SGTA: variants seen among roughly 807,000 people sequenced by gnomAD.
The protein encoded by SGTA is small glutamine rich tetratricopeptide repeat co-chaperone alpha.
SGTA carries 22 observed loss-of-function variants against 44.3 expected under a neutral mutation model. That is an observed-to-expected ratio of 0.50 (90% CI 0.36 to 0.71). The LOEUF (loss-of-function observed/expected upper bound fraction) is 0.71. Among genes scored for constraint, SGTA ranks in the 30% least tolerant of loss-of-function variants. The pLI, the probability that SGTA is intolerant of heterozygous loss-of-function variation, is 0.00. For missense variants in SGTA, 341 were observed against 435.9 expected (o/e 0.78, Z 1.94); for synonymous variants, 174 against 177.6 (o/e 0.98, Z 0.16).
At chr19:2,756,547 A>G (rs1361004497) in intron 11 of SGTA, among the ~76,000 whole-genome samples, 1 of 152,200 alleles carries the variant, frequency 6.6e-6, no homozygotes, top group Non-Finnish European at 1.5e-5. Flanking sequence ...TAAAAATGAA[A>G]GAGAGTGTAT....
intron 11 of SGTA, among the ~76,000 whole-genome samples, chr19:2,757,051 T>C (rs7255969): frequency 0.29 from 44,832 of 152,010 alleles, 7,293 homozygotes; most frequent in East Asian, 0.65. Context: ...CAGGGAGCTG[T>C]GGCTCTCCCC....
intron 1 of SGTA, chr19:2,777,636 AC>A (rs1453860843): frequency 6.6e-6 from 1 of 152,162 alleles, no homozygotes; most frequent in East Asian, 1.9e-4. Context: ...AATGGTGCCG[AC>A]ATCTCTTCAG....
At chr19:2,774,196 G>A (rs1268353981) in intron 1 of SGTA, among the ~76,000 whole-genome samples, 5 of 152,234 alleles carry the variant, frequency 3.3e-5, no homozygotes, top group South Asian at 2.1e-4. Context: ...AGGCATCTCA[G>A]GACGCACCTC....
At chr19:2,774,399 A>G (rs1429708158) in intron 1 of SGTA, among the ~76,000 whole-genome samples, 1 of 152,174 alleles carries the variant, frequency 6.6e-6, no homozygotes, top group African/African-American at 2.4e-5. Context: ...CGCGTTGCTC[A>G]CTGTGCTGCG....
In SGTA at chr19:2,769,088, A is replaced by T; in HGVS notation, c.-20T>A. The T allele has an allele frequency of 6.2e-7, 1 of 1,604,970 alleles. No individual in the cohort carries two copies. The highest frequency in any genetic ancestry group is 8.5e-7 in the Non-Finnish European group (1 of 1,172,112). On this transcript the variant is annotated 5_prime_UTR_variant, in exon 2 of 12. Coordinates refer to ENST00000221566, the MANE Select transcript of SGTA (RefSeq NM_003021.4). ...GTCCATCTTGAGCCCAGAAGAGGTG[A>T]TACCTGGGGGTGCAGGAAAAACCCC...
At chr19:2,759,417 G>T in intron 8 of SGTA, 123 bp from the exon 9 acceptor site, 2 of 877,214 alleles carry the variant, frequency 2.3e-6, no homozygotes, top group Non-Finnish European at 3.8e-6. Flanking sequence ...AACAGTAAGA[G>T]CCGGGCATTC....
rs781575093 is a variant in SGTA, at chr19:2,763,605, G to C, written c.497+48C>G. The C allele has an allele frequency of 6.2e-6, 8 of 1,299,218 alleles. No homozygotes were observed. The highest frequency in any genetic ancestry group is 8.7e-6 in the Non-Finnish European group (8 of 914,768). The allele number at this position is 1,299,218 out of a possible 1,614,324, so 80.5% of individuals were successfully genotyped here. Reference sequence around the variant, plus strand: ...AAGAGAGGAAGCAGGAGCAGGAGAGGAGGGGTCCCGAGAGACTGGAAAGGC... The same window carrying C: ...AAGAGAGGAAGCAGGAGCAGGAGAGCAGGGGTCCCGAGAGACTGGAAAGGC... On this transcript the variant is annotated intron_variant, in intron 6 of 11. Coordinates refer to ENST00000221566, the MANE Select transcript of SGTA (RefSeq NM_003021.4). This position sits in a 1 kb window ranked among gnomAD's most constrained non-coding sequence, Gnocchi z 5.8.
chr19:2,776,707 G>A (rs1476174201), intron 1 of SGTA, among the ~76,000 whole-genome samples: 5 of 152,194 alleles, frequency 3.3e-5, no homozygotes, highest in Admixed American at 6.5e-5. Context: ...GGTGGCTCAC[G>A]CCTGTAATCC....
Position 2,759,308 on chromosome 19 carries a change from C to CA in SGTA, c.700-15dup, listed in dbSNP as rs1914918456. The CA allele has an allele frequency of 1.2e-6, 2 of 1,613,150 alleles. No homozygotes were observed. The highest frequency in any genetic ancestry group is 1.7e-6 in the Non-Finnish European group (2 of 1,179,224). On this transcript the variant is annotated splice_polypyrimidine_tract_variant and intron_variant, in intron 8 of 11. Transcript: ENST00000221566. The stretch of plus-strand genomic sequence containing the variant: ...TAGGTTCGAAGCCTGAAGAACAGAA[C>CA]AAATTTGTCAGGAAGACAAAGCTCC...
Position 2,767,417 on chromosome 19 carries a change from G to C in SGTA, c.207+163C>G, listed in dbSNP as rs973475762. On this transcript the variant is annotated intron_variant, in intron 3 of 11. Transcript: ENST00000221566. This position sits in a 1 kb window ranked among gnomAD's most constrained non-coding sequence, Gnocchi z 7.3. ...TATGTGTCTCAGGACCCGCCGATAG[G>C]GGGAGGAGGGCCAAGTGCTCCTGCA... Among the ~76,000 whole-genome samples the C allele has an allele frequency of 6.6e-6, 1 of 152,198 alleles. No homozygotes were observed. The highest frequency in any genetic ancestry group is 2.4e-5 in the African/African-American group (1 of 41,462).
chr19:2,778,138 T>C (rs556258832), intron 1 of SGTA: 1 of 151,434 alleles, frequency 6.6e-6, no homozygotes, highest in South Asian at 2.1e-4. Context: ...ACACGCAAGA[T>C]CCTACCAGTG....
chr19:2,778,680 G>C (rs1181776495), intron 1 of SGTA, among the ~76,000 whole-genome samples: 1 of 152,134 alleles, frequency 6.6e-6, no homozygotes, highest in East Asian at 1.9e-4. Flanking sequence ...CTCTACTAAG[G>C]TCCCAGGAGG....
At position 2,762,596 on chromosome 19, in the gene SGTA, G is replaced by A. The variant is rs543856040; in HGVS notation, c.546C>T (p.Tyr182=). 9.3e-6 allele frequency: 15 copies of A among 1,614,086 alleles called. No individual in the cohort carries two copies. The African/African-American group carries it at 1.5e-4, about 16-fold the overall frequency. The change falls in exon 7 of 12, where the codon TAC becomes TAT. Residue 182 remains tyrosine, a synonymous_variant. Transcript: ENST00000221566. The part of the protein sequence containing the change: ...LNKHVEAVAY[Y]KKALELDPDN... ...CGGGGTCCAGCTCCAGAGCCTTCTT[G>A]TAGTAAGCCACGGCCTCCACGTGCT... is the stretch of plus-strand genomic sequence containing the variant.
intron 1 of SGTA, chr19:2,782,691 TC>T (rs1436340732): frequency 6.6e-6 from 1 of 152,146 alleles, no homozygotes; most frequent in East Asian, 1.9e-4. Flanking sequence ...GCCTGCTAAT[TC>T]TTTGGAGTTC....
At chr19:2,778,497 G>GT in intron 1 of SGTA, among the ~76,000 whole-genome samples, 1 of 149,672 alleles carries the variant, frequency 6.7e-6, no homozygotes, top group South Asian at 2.1e-4. Context: ...CTGGAACACC[G>GT]CCCCCCCCGG....
chr19:2,769,401 G>A (rs1915237145), intron 1 of SGTA, among the ~76,000 whole-genome samples: 1 of 152,148 alleles, frequency 6.6e-6, no homozygotes, highest in South Asian at 2.1e-4. Flanking sequence ...CGCCACGGAG[G>A]TCCCCTCCGC....
intron 1 of SGTA, among the ~76,000 whole-genome samples, chr19:2,771,511 C>T (rs1409382732): frequency 2.0e-5 from 3 of 149,272 alleles, no homozygotes; most frequent in East Asian, 4.0e-4. Flanking sequence ...GGGGAAGCGA[C>T]TTAACTCTGC....
chr19:2,760,327 G>A (rs949944634), intron 8 of SGTA, among the ~76,000 whole-genome samples: 1 of 151,724 alleles, frequency 6.6e-6, no homozygotes, highest in African/African-American at 2.4e-5. Flanking sequence ...GACCAGCCTG[G>A]CAAACATGGT....
intron 5 of SGTA, among the ~76,000 whole-genome samples, chr19:2,764,749 A>T (rs1034712709): frequency 1.3e-5 from 2 of 151,984 alleles, no homozygotes; most frequent in Non-Finnish European, 1.5e-5. Flanking sequence ...TATTTTTAGT[A>T]AAGACGGGGT....
Sources: allele counts gnomAD v4.1 joint callset (sites outside exome capture counted in the v4.1 genomes callset), GRCh38; gene constraint gnomAD v4.1.1; non-coding constraint Gnocchi (gnomAD v3.1); transcripts MANE v1.5; gene names NCBI Gene and HGNC (gene_info 2026-07-23, HGNC 2026-07-21).